Variants in CTBP2 observed in about 807,000 individuals in gnomAD.
CTBP2 encodes C-terminal-binding protein 2.
CTBP2 carries 30 observed loss-of-function variants against 80.3 expected under a neutral mutation model. The ratio of observed to expected loss-of-function variants is 0.37; its 90% CI spans 0.28 to 0.51. CTBP2 has a LOEUF of 0.51. Ranked by LOEUF, CTBP2 falls within the 20% of genes least tolerant of loss-of-function variation. The pLI is 0.93. For synonymous variants in CTBP2, 594 were observed against 587.4 expected (o/e 1.01, Z -0.16); for missense variants, 1,212 against 1,375.3 (o/e 0.88, Z 1.88).
intron 1 of CTBP2, among the ~76,000 whole-genome samples, chr10:125,123,363 G>A (rs746229085): frequency 2.6e-5 from 4 of 152,138 alleles, no homozygotes; most frequent in Admixed American, 6.5e-5. Flanking sequence ...CAATTTCTCC[G>A]CTGTGTTGCT....
At position 125,142,860 on chromosome 10, in the gene CTBP2, C is replaced by T. The variant is rs181609931; in HGVS notation, c.-206+17459G>A. 6.6e-4 allele frequency among the ~76,000 whole-genome samples: 101 copies of T among 152,302 alleles called. 1 individual carries two copies. Among genetic ancestry groups the T allele is most frequent in the Middle Eastern group, 3.4e-3 (1 of 294 alleles). On this transcript the variant is annotated intron_variant, in intron 1 of 10. Coordinates refer to the CTBP2 transcript ENST00000337195. ...CGCAGAGGCTGCCTGAGATGCAGCT[C>T]CGCTTCAGATGGTTTACTCAGGGAA...
At chr10:125,044,105 C>A (rs554578355) in intron 2 of CTBP2, among the ~76,000 whole-genome samples, 32 of 152,298 alleles carry the variant, frequency 2.1e-4, no homozygotes, top group African/African-American at 7.2e-4. Context: ...TTCCCTGCAA[C>A]CCAGATGGCC....
chr10:125,145,402 A>G (rs1420125995), intron 1 of CTBP2, among the ~76,000 whole-genome samples: 1 of 152,148 alleles, frequency 6.6e-6, no homozygotes, highest in African/African-American at 2.4e-5. Flanking sequence ...CCCAGGTACC[A>G]GGGCCTCTCT....
At chr10:125,124,157 A>G (rs917326065) in intron 1 of CTBP2, among the ~76,000 whole-genome samples, 2 of 152,128 alleles carry the variant, frequency 1.3e-5, no homozygotes, top group Non-Finnish European at 2.9e-5. Context: ...GGGTCAGGGG[A>G]GACCCAGAGC....
At chr10:125,155,568 T>A (rs1442886553) in intron 1 of CTBP2, among the ~76,000 whole-genome samples, 3 of 152,146 alleles carry the variant, frequency 2.0e-5, no homozygotes, top group Non-Finnish European at 2.9e-5. Flanking sequence ...GTCACACTGA[T>A]GGCTTTTGGA....
Position 124,989,387 on chromosome 10 carries a change from T to A in CTBP2, c.*131A>T. On this transcript the variant is annotated 3_prime_UTR_variant, in exon 9 of 9. Transcript: ENST00000309035. ...TTTCTAGCTCTTGTAGTTTCAACACTGCAACATCAATGATGCATATGTCCA... is the reference window on the plus strand; with the variant it reads ...TTTCTAGCTCTTGTAGTTTCAACACAGCAACATCAATGATGCATATGTCCA... 2 of 1,024,540 alleles carry A rather than the reference T, an allele frequency of 2.0e-6. No homozygotes were observed. The highest frequency in any genetic ancestry group is 3.4e-5 in the Admixed American group (2 of 58,302). 63.5% of individuals were successfully genotyped at this position (1,024,540 alleles called of 1,614,324 possible). A position where few individuals can be genotyped will look rare whatever the true frequency, so the allele number is the denominator to read the frequency against.
intron 2 of CTBP2, among the ~76,000 whole-genome samples, chr10:125,071,382 TC>T (rs1220045674): frequency 2.0e-5 from 3 of 152,208 alleles, no homozygotes; most frequent in Non-Finnish European, 4.4e-5. Flanking sequence ...TGCTGTGTGC[TC>T]CTGATGGAGG....
At chr10:125,159,793 A>G (rs1395692320) in intron 1 of CTBP2, 2 of 147,976 alleles carry the variant, frequency 1.4e-5, no homozygotes, top group Non-Finnish European at 1.5e-5. Context: ...ATCCGGCCGT[A>G]TTGTCCCCGC....
chr10:125,042,979 A>G (rs1452359711), intron 2 of CTBP2, among the ~76,000 whole-genome samples: 1 of 152,138 alleles, frequency 6.6e-6, no homozygotes, highest in Non-Finnish European at 1.5e-5. Flanking sequence ...CTTAAATTTT[A>G]TTTGCTTTAA....
At chr10:125,023,945 T>G (rs1957300227) in intron 1 of CTBP2, among the ~76,000 whole-genome samples, 1 of 152,172 alleles carries the variant, frequency 6.6e-6, no homozygotes, top group Admixed American at 6.5e-5. Context: ...AGGGAAGCAC[T>G]TGAGTTAGGC....
chr10:125,050,068 AT>A (rs1962343113), intron 2 of CTBP2, among the ~76,000 whole-genome samples: 1 of 49,886 alleles, frequency 2.0e-5, no homozygotes, highest in Non-Finnish European at 3.6e-5. Flanking sequence ...GGCATCACTC[AT>A]CATGCAAAGG....
At chr10:125,063,535 C>G (rs1224128657) in intron 2 of CTBP2, among the ~76,000 whole-genome samples, 1 of 152,222 alleles carries the variant, frequency 6.6e-6, no homozygotes, top group Non-Finnish European at 1.5e-5. Flanking sequence ...TTTCTCTCAA[C>G]ACACACAAAA....
chr10:125,074,823 C>T (rs1226068956), intron 2 of CTBP2, among the ~76,000 whole-genome samples: 1 of 152,246 alleles, frequency 6.6e-6, no homozygotes, highest in Non-Finnish European at 1.5e-5. Flanking sequence ...AGGGCTGTTC[C>T]TCATCAGCTA....
At chr10:125,056,164 C>CAA (rs1554891337) in intron 2 of CTBP2, among the ~76,000 whole-genome samples, 1 of 138,034 alleles carries the variant, frequency 7.2e-6, no homozygotes, top group Non-Finnish European at 1.5e-5. Flanking sequence ...GATTGTGTCT[C>CAA]AAAAATAAAA....
At chr10:125,080,563 A>G (rs1847028787) in intron 2 of CTBP2, among the ~76,000 whole-genome samples, 1 of 152,232 alleles carries the variant, frequency 6.6e-6, no homozygotes, top group African/African-American at 2.4e-5. Context: ...TCTCCTGTGG[A>G]TCTTTTCTAA....
chr10:125,136,567 G>C (rs1184113101), intron 1 of CTBP2, among the ~76,000 whole-genome samples: 2 of 152,170 alleles, frequency 1.3e-5, no homozygotes, highest in African/African-American at 4.8e-5. Context: ...TACTGTGGAG[G>C]ATGTGGGAAA....
chr10:125,064,880 G>C (rs1844387984), intron 2 of CTBP2, among the ~76,000 whole-genome samples: 2 of 152,156 alleles, frequency 1.3e-5, no homozygotes, highest in South Asian at 4.1e-4. Flanking sequence ...AGCTGGTCTG[G>C]CTCTTCTCTA....
At chr10:125,095,874 C>CT (rs1433924292) in intron 2 of CTBP2, among the ~76,000 whole-genome samples, 1 of 152,226 alleles carries the variant, frequency 6.6e-6, no homozygotes, top group African/African-American at 2.4e-5. Context: ...TCAGGATTCA[C>CT]TAAGCCTTGC....
At chr10:125,118,721 G>A in intron 1 of CTBP2, among the ~76,000 whole-genome samples, 1 of 149,916 alleles carries the variant, frequency 6.7e-6, no homozygotes, top group South Asian at 2.1e-4. Flanking sequence ...AGGCGCTGGG[G>A]GGTGGGAGGG....
Sources: allele counts gnomAD v4.1 joint callset (sites outside exome capture counted in the v4.1 genomes callset), GRCh38; gene constraint gnomAD v4.1.1; transcripts MANE v1.5; gene names NCBI Gene and HGNC (gene_info 2026-07-23, HGNC 2026-07-21).